The following NTM variants were observed in gnomAD, a reference collection of about 807,000 sequenced individuals.
NTM encodes the protein IgLON family member 2.
In NTM, 13 loss-of-function variants were observed where a neutral mutation model predicts 42.1. That is an observed-to-expected ratio of 0.31 (90% CI 0.20 to 0.49). NTM has a LOEUF of 0.49. NTM is among the 20% of genes least tolerant of loss of function. The pLI, the probability that NTM is intolerant of heterozygous loss-of-function variation, is 0.99. For missense variants in NTM, 373 were observed against 452.8 expected (o/e 0.82, Z 1.60); for synonymous variants, 187 against 179.2 (o/e 1.04, Z -0.35).
chr11:132,042,086 A>T (rs1244757013), intron 2 of NTM, among the ~76,000 whole-genome samples: 1 of 152,110 alleles, frequency 6.6e-6, no homozygotes, highest in Non-Finnish European at 1.5e-5. Context: ...TATTGTTTTA[A>T]ATGAGTAAGC....
At chr11:132,110,958 C>G (rs2063090321) in intron 2 of NTM, among the ~76,000 whole-genome samples, 1 of 150,430 alleles carries the variant, frequency 6.6e-6, no homozygotes, top group Non-Finnish European at 1.5e-5. Context: ...GTCCCAGCTA[C>G]TTTAGAGTCT....
chr11:131,990,809 C>T (rs958640248), intron 2 of NTM, among the ~76,000 whole-genome samples: 1 of 152,184 alleles, frequency 6.6e-6, no homozygotes, highest in Non-Finnish European at 1.5e-5. Context: ...ATCACATTTT[C>T]ATCTCCTGTG....
chr11:132,335,388 A>C lies in NTM; in HGVS notation c.*242A>C, dbSNP rs892068143. 2.1e-6 allele frequency: 1 copy of C among 467,592 alleles called. No individual in the cohort carries two copies. The highest frequency in any genetic ancestry group is 3.9e-6 in the Non-Finnish European group (1 of 259,308). 29.0% of individuals were successfully genotyped at this position (467,592 alleles called of 1,614,324 possible). On this transcript the variant is annotated 3_prime_UTR_variant, in exon 9 of 9. Coordinates refer to ENST00000683400, the MANE Select transcript of NTM (RefSeq NM_001352005.2). ...GGTACAATGGAGTTTTCTTTTCCCA[A>C]ACGGGAAGAACACAGCACACCCGGC... is the stretch of plus-strand genomic sequence containing the variant.
chr11:131,842,441 T>C (rs748873670), intron 1 of NTM, among the ~76,000 whole-genome samples: 16 of 152,172 alleles, frequency 1.1e-4, no homozygotes, highest in Non-Finnish European at 2.2e-4. Flanking sequence ...CCGTTTCATT[T>C]CTTACTGTAT....
rs149949204 is a variant in NTM at position 132,248,675 on chromosome 11, T to C, written c.526+36528T>C. 6.3e-3 allele frequency among the ~76,000 whole-genome samples: 966 copies of C among 152,362 alleles called. 13 individuals are homozygous for C. Among genetic ancestry groups the C allele is most frequent in the Middle Eastern group, 0.024 (7 of 294 alleles). On this transcript the variant is annotated intron_variant, in intron 4 of 8. Coordinates refer to ENST00000683400, the MANE Select transcript of NTM (RefSeq NM_001352005.2). ...ATGGACGTCATATCAAGCTGGTGGCTGTCAGTGGTCCACCACGCATCAGGT... is the reference window on the plus strand; with the variant it reads ...ATGGACGTCATATCAAGCTGGTGGCCGTCAGTGGTCCACCACGCATCAGGT...
intron 7 of NTM, among the ~76,000 whole-genome samples, chr11:132,316,119 G>A (rs59454095): frequency 0.16 from 12,945 of 83,368 alleles, 899 homozygotes; most frequent in African/African-American, 0.32. Flanking sequence ...TCTTCCCCCC[G>A]CCACCCCCCA....
Position 132,009,647 on chromosome 11 carries a change from G to A in NTM, c.167+97999G>A, listed in dbSNP as rs569341237. On this transcript the variant is annotated intron_variant, in intron 2 of 8. Coordinates refer to ENST00000683400, the MANE Select transcript of NTM (RefSeq NM_001352005.2). ...TGCTTTCGTGCACTCTGTTTTGCACGCCACACTTGGAAGATGGCATTATAA... is the reference window on the plus strand; with the variant it reads ...TGCTTTCGTGCACTCTGTTTTGCACACCACACTTGGAAGATGGCATTATAA... 1.6e-4 allele frequency among the ~76,000 whole-genome samples: 25 copies of A among 152,320 alleles called. No individual in the cohort carries two copies. The South Asian group carries it at 5.2e-3, about 32-fold the overall frequency.
intron 1 of NTM, among the ~76,000 whole-genome samples, chr11:131,424,025 T>A (rs1396903337): frequency 6.6e-6 from 1 of 152,176 alleles, no homozygotes; most frequent in African/African-American, 2.4e-5. Context: ...AACTTCCACT[T>A]CACCCTCCCT....
intron 5 of NTM, among the ~76,000 whole-genome samples, chr11:132,309,085 C>A (rs1381536760): frequency 6.6e-6 from 1 of 152,100 alleles, no homozygotes; most frequent in African/African-American, 2.4e-5. Flanking sequence ...GTACTGAGAC[C>A]CTAGAGAAAA....
intron 1 of NTM, among the ~76,000 whole-genome samples, chr11:131,601,594 T>A (rs1394461235): frequency 6.6e-6 from 1 of 152,090 alleles, no homozygotes; most frequent in African/African-American, 2.4e-5. Context: ...TCTCCTTTTT[T>A]TTTTTTAAGG....
At chr11:132,131,119 T>G (rs1479850102) in intron 2 of NTM, among the ~76,000 whole-genome samples, 3 of 152,272 alleles carry the variant, frequency 2.0e-5, no homozygotes, top group Non-Finnish European at 4.4e-5. Context: ...GTTCTCATTT[T>G]GAAAGCTTTT....
chr11:131,603,404 C>T (rs1294153384), intron 1 of NTM, among the ~76,000 whole-genome samples: 1 of 152,058 alleles, frequency 6.6e-6, no homozygotes, highest in Non-Finnish European at 1.5e-5. Context: ...TCCTAATAAG[C>T]TCTCAAGTGA....
chr11:132,327,374 G>A (rs1410505870), intron 7 of NTM, among the ~76,000 whole-genome samples: 1 of 152,210 alleles, frequency 6.6e-6, no homozygotes, highest in Non-Finnish European at 1.5e-5. Context: ...AAAGAATGGG[G>A]ACTAAAGTAA....
chr11:131,932,213 C>G (rs1446673876), intron 2 of NTM, among the ~76,000 whole-genome samples: 1 of 152,144 alleles, frequency 6.6e-6, no homozygotes, highest in Non-Finnish European at 1.5e-5. Flanking sequence ...AGACAGTGAA[C>G]AAAATACATA....
intron 1 of NTM, among the ~76,000 whole-genome samples, chr11:131,824,073 G>A (rs2093297170): frequency 6.6e-6 from 1 of 152,180 alleles, no homozygotes; most frequent in African/African-American, 2.4e-5. Flanking sequence ...TTCTCAAAAG[G>A]CATTGTGAAG....
intron 7 of NTM, chr11:132,314,933 C>G (rs763442384): frequency 1.5e-6 from 2 of 1,296,480 alleles, no homozygotes; most frequent in Non-Finnish European, 2.0e-6. Context: ...TACATGTATA[C>G]AAAGTAGTAT....
intron 4 of NTM, among the ~76,000 whole-genome samples, chr11:132,221,288 A>G (rs2085114077): frequency 6.6e-6 from 1 of 152,170 alleles, no homozygotes; most frequent in African/African-American, 2.4e-5. Context: ...CTCTTCTAAA[A>G]ACATTTATGC....
At chr11:132,182,166 AC>A (rs2077678516) in intron 3 of NTM, among the ~76,000 whole-genome samples, 1 of 151,890 alleles carries the variant, frequency 6.6e-6, no homozygotes, top group African/African-American at 2.4e-5. Context: ...TTTTTCTTTC[AC>A]TTCTTTTTAA....
At chr11:131,382,649 A>T (rs567021975) in intron 1 of NTM, among the ~76,000 whole-genome samples, 1 of 152,262 alleles carries the variant, frequency 6.6e-6, no homozygotes, top group South Asian at 2.1e-4. Flanking sequence ...TTTCTAAGAG[A>T]TGACTATCAT....
Sources: gnomAD v4.1 joint callset for allele counts (sites outside exome capture counted in the v4.1 genomes callset) on GRCh38, gnomAD v4.1.1 for gene constraint, MANE v1.5 for transcripts, NCBI Gene and HGNC (gene_info 2026-07-23, HGNC 2026-07-21) for gene names.